The following PARD3 variants were observed in gnomAD, a reference collection of about 807,000 sequenced individuals.
The protein encoded by PARD3 is partitioning defective 3 homolog.
Under a neutral mutation model 155.4 loss-of-function variants are expected in PARD3, and 75 were observed. The observed-to-expected ratio is 0.48, with a 90% CI of 0.40 to 0.58. The LOEUF (loss-of-function observed/expected upper bound fraction) is 0.58, where lower values mean the gene tolerates loss of function less well. Ranked by LOEUF, PARD3 falls within the 20% of genes least tolerant of loss-of-function variation. PARD3 has a pLI of 0.00. For missense variants in PARD3, 1,642 were observed against 1,721.7 expected (o/e 0.95, Z 0.82); for synonymous variants, 576 against 610.5 (o/e 0.94, Z 0.83).
At chr10:34,174,563 A>C (rs1949951880) in intron 22 of PARD3, among the ~76,000 whole-genome samples, 1 of 152,190 alleles carries the variant, frequency 6.6e-6, no homozygotes, top group Non-Finnish European at 1.5e-5. Context: ...CAGTGAGGCC[A>C]CCTGTCTGGC....
intron 2 of PARD3, among the ~76,000 whole-genome samples, chr10:34,596,792 G>A (rs1322309850): frequency 6.6e-6 from 1 of 152,160 alleles, no homozygotes; most frequent in Admixed American, 6.5e-5. Flanking sequence ...TGATTCCTTA[G>A]TGCAGCAATC....
At chr10:34,635,047 C>T (rs537630118) in intron 2 of PARD3, among the ~76,000 whole-genome samples, 120 of 152,340 alleles carry the variant, frequency 7.9e-4, no homozygotes, top group African/African-American at 2.8e-3. Context: ...GATGGCATCA[C>T]GATGGCTCCA....
intron 2 of PARD3, among the ~76,000 whole-genome samples, chr10:34,676,613 C>A (rs182633266): frequency 6.6e-5 from 10 of 152,206 alleles, no homozygotes; most frequent in Admixed American, 5.9e-4. Context: ...TGGAACGACA[C>A]GCAATTAGAA....
At chr10:34,531,737 T>C (rs749777185) in intron 2 of PARD3, among the ~76,000 whole-genome samples, 1 of 152,234 alleles carries the variant, frequency 6.6e-6, no homozygotes, top group South Asian at 2.1e-4. Context: ...CTCTTTGTTC[T>C]AATGTCATGA....
chr10:34,443,365 A>C (rs2076567114), intron 5 of PARD3, among the ~76,000 whole-genome samples: 1 of 152,202 alleles, frequency 6.6e-6, no homozygotes, highest in Non-Finnish European at 1.5e-5. Flanking sequence ...TTTGAATATA[A>C]CTTATATATT....
chr10:34,111,499 C>G lies in PARD3; in HGVS notation c.3732G>C (p.Gly1244=). 1.9e-6 allele frequency: 3 copies of G among 1,613,946 alleles called. No individual in the cohort carries two copies. The highest frequency in any genetic ancestry group is 2.5e-6 in the Non-Finnish European group (3 of 1,179,966). ...QDSWEQNYSP[G]EGFQSAKENP... is the part of the protein sequence containing the mutation. ...TCTCTTTGGCACTCTGGAAGCCTTC[C>G]CCAGGGGAGTAGTTCTGCTCCCAAG... is the stretch of plus-strand genomic sequence containing the variant. Residue 1244 remains glycine (G), a synonymous_variant, in exon 25 of 25, where the codon GGG becomes GGC. Coordinates refer to ENST00000374788, the MANE Select transcript of PARD3 (RefSeq NM_001184785.2).
chr10:34,795,282 G>A (rs576063974), intron 1 of PARD3, among the ~76,000 whole-genome samples: 2 of 152,310 alleles, frequency 1.3e-5, no homozygotes, highest in African/African-American at 2.4e-5. Flanking sequence ...CGGCAGGTCC[G>A]GAGGGAGATG....
At chr10:34,792,569 C>T (rs190060205) in intron 1 of PARD3, among the ~76,000 whole-genome samples, 15 of 152,320 alleles carry the variant, frequency 9.8e-5, no homozygotes, top group African/African-American at 3.1e-4. Flanking sequence ...CAGCATTAGT[C>T]GTGACTGCCC....
chr10:34,658,551 A>G (rs564565077), intron 2 of PARD3, among the ~76,000 whole-genome samples: 34 of 152,152 alleles, frequency 2.2e-4, no homozygotes, highest in Non-Finnish European at 4.3e-4. Context: ...AGGCTGAGGC[A>G]TGAGGAGCTT....
chr10:34,778,744 A>C (rs1374854203), intron 1 of PARD3, among the ~76,000 whole-genome samples: 1 of 152,240 alleles, frequency 6.6e-6, no homozygotes, highest in East Asian at 1.9e-4. Context: ...GAAAAGACTT[A>C]AGTGACAAAT....
chr10:34,750,845 C>T (rs550093108), intron 1 of PARD3, among the ~76,000 whole-genome samples: 5 of 152,142 alleles, frequency 3.3e-5, no homozygotes, highest in African/African-American at 1.2e-4. Context: ...CACACCACCA[C>T]ACTCAGCTAG....
rs544604650 is a variant in PARD3, at chr10:34,606,924, A to G, written c.222+89394T>C. On this transcript the variant is annotated intron_variant, in intron 2 of 24. Coordinates refer to ENST00000374788, the MANE Select transcript of PARD3 (RefSeq NM_001184785.2). ...GGAGGCTGTAGTGAGCCGAGATCAC[A>G]CCACTGCACTCCAGCCTGGTGACAG... is the stretch of plus-strand genomic sequence containing the variant. Among the ~76,000 whole-genome samples the G allele has an allele frequency of 3.2e-4, 46 of 145,394 alleles. 1 individual carries two copies. Among genetic ancestry groups the G allele is most frequent in the Admixed American group, 2.5e-3 (35 of 13,970 alleles).
chr10:34,386,599 G>C (rs1170804861), intron 7 of PARD3, among the ~76,000 whole-genome samples: 1 of 152,086 alleles, frequency 6.6e-6, no homozygotes, highest in African/African-American at 2.4e-5. Context: ...GAGGCAGGCA[G>C]ATCACCTGAG....
intron 21 of PARD3, among the ~76,000 whole-genome samples, chr10:34,278,010 G>A (rs1164628491): frequency 6.6e-6 from 1 of 152,086 alleles, no homozygotes; most frequent in Non-Finnish European, 1.5e-5. Context: ...CCTTCCCAAA[G>A]CTCTGTAATC....
intron 14 of PARD3, among the ~76,000 whole-genome samples, chr10:34,358,225 CA>C (rs1839090390): frequency 6.6e-6 from 1 of 151,982 alleles, no homozygotes; most frequent in Non-Finnish European, 1.5e-5. Context: ...CCAATATTAT[CA>C]AGGCAACATA....
chr10:34,687,740 G>A (rs2093974497), intron 2 of PARD3, among the ~76,000 whole-genome samples: 1 of 150,282 alleles, frequency 6.7e-6, no homozygotes, highest in African/African-American at 2.4e-5. Context: ...AGTAAAAGAT[G>A]ACAACATGGG....
At chr10:34,339,464 A>G (rs1836561317) in intron 16 of PARD3, among the ~76,000 whole-genome samples, 1 of 152,224 alleles carries the variant, frequency 6.6e-6, no homozygotes, top group Admixed American at 6.5e-5. Flanking sequence ...AATTGTTGGT[A>G]AAAGATTTTT....
chr10:34,750,299 A>C (rs1051750585), intron 1 of PARD3, among the ~76,000 whole-genome samples: 2 of 152,188 alleles, frequency 1.3e-5, no homozygotes, highest in African/African-American at 4.8e-5. Context: ...TATCTAATTC[A>C]GAAAAGGTCA....
intron 20 of PARD3, among the ~76,000 whole-genome samples, chr10:34,292,579 G>A (rs1276174642): frequency 6.6e-6 from 1 of 152,092 alleles, no homozygotes; most frequent in African/African-American, 2.4e-5. Flanking sequence ...GTTTGGCAGA[G>A]GTTCTCTTTA....
Sources: allele counts gnomAD v4.1 joint callset (sites outside exome capture counted in the v4.1 genomes callset), GRCh38; gene constraint gnomAD v4.1.1; transcripts MANE v1.5; gene names NCBI Gene and HGNC (gene_info 2026-07-23, HGNC 2026-07-21).